RHBDF2: variants seen among roughly 807,000 people sequenced by gnomAD.
The protein encoded by RHBDF2 is rhomboid 5 homolog 2, also known as inactive rhomboid protein 2.
A neutral mutation model predicts 95.2 loss-of-function variants in RHBDF2; 38 were observed. That is an observed-to-expected ratio of 0.40 (90% CI 0.31 to 0.52). RHBDF2 has a LOEUF of 0.52. RHBDF2 is among the 20% of genes least tolerant of loss of function. The pLI is 0.56. For missense variants in RHBDF2, 863 were observed against 1,137.7 expected, an observed-to-expected ratio of 0.76 and a Z score of 3.47; for synonymous variants, 442 against 462.0, an observed-to-expected ratio of 0.96 and a Z score of 0.55.
At chr17:76,497,869 G>T (rs1480948867) in intron 1 of RHBDF2, among the ~76,000 whole-genome samples, 3 of 152,052 alleles carry the variant, frequency 2.0e-5, no homozygotes, top group Non-Finnish European at 2.9e-5. Context: ...CTTTTCTGCT[G>T]GTCACAAGGT....
intron 3 of RHBDF2, 75 bp downstream of exon 3, chr17:76,481,300 A>G (rs2073955579): frequency 1.3e-6 from 2 of 1,511,148 alleles, no homozygotes; most frequent in African/African-American, 1.4e-5. Context: ...GGGAAGTGAA[A>G]CTGACCAGAA....
rs1256295869 is a variant in RHBDF2 at position 76,471,034 on chromosome 17, G to C, written c.*599C>G. On this transcript the variant is annotated 3_prime_UTR_variant, in exon 19 of 19. Coordinates refer to ENST00000675367, the MANE Select transcript of RHBDF2 (RefSeq NM_001005498.4). ...AGCACTCCCTGGGAGCAGGCCCTGGGGTGGCTCCGCCCAGTGTCGTTCTAC... is the reference window on the plus strand; with the variant it reads ...AGCACTCCCTGGGAGCAGGCCCTGGCGTGGCTCCGCCCAGTGTCGTTCTAC... 1 of 153,360 alleles carries C rather than the reference G, an allele frequency of 6.5e-6. No homozygotes were observed. The highest frequency in any genetic ancestry group is 2.4e-5 in the African/African-American group (1 of 41,456). 9.5% of individuals were successfully genotyped at this position (153,360 alleles called of 1,614,324 possible). A position where few individuals can be genotyped will look rare whatever the true frequency, so the allele number is the denominator to read the frequency against.
intron 2 of RHBDF2, chr17:76,481,992 C>CACAT (rs1567881933): frequency 2.0e-5 from 2 of 100,688 alleles, no homozygotes; most frequent in East Asian, 5.9e-4. Flanking sequence ...CACACACACA[C>CACAT]ACACACACAC....
chr17:76,483,504 C>T (rs374934632), intron 2 of RHBDF2, among the ~76,000 whole-genome samples: 50 of 152,076 alleles, frequency 3.3e-4, no homozygotes, highest in African/African-American at 1.0e-3. Context: ...AGGCTGGTCT[C>T]GAACTCCTGA....
intron 1 of RHBDF2, among the ~76,000 whole-genome samples, chr17:76,499,635 T>A (rs2074526318): frequency 6.6e-6 from 1 of 152,106 alleles, no homozygotes; most frequent in African/African-American, 2.4e-5. Flanking sequence ...TTAGGAGCCC[T>A]GATACTCCTT....
rs550855559 is a variant in RHBDF2 at position 76,471,914 on chromosome 17, G to C, written c.2203C>G (p.Leu735Val). 3 of 1,576,430 alleles carry C rather than the reference G, an allele frequency of 1.9e-6. No individual in the cohort carries two copies. In the South Asian group the frequency reaches 3.5e-5, roughly 18 times the overall value. The change falls in exon 19 of 19, where the codon CTC becomes GTC. Residue 735 changes from leucine to valine, a missense_variant. Leu to Val is a conservative substitution (Grantham distance 32, BLOSUM62 1). Around this residue, in one of 2 missense-constraint regions of RHBDF2, gnomAD observed 252 missense variants for 412.2 expected, o/e 0.61. Transcript: ENST00000675367. ...GCGATGTTGTCGATCCAGGGCAGGAGGCCACAGATGAACAGGAAGAGCACG... is the reference window on the plus strand; with the variant it reads ...GCGATGTTGTCGATCCAGGGCAGGACGCCACAGATGAACAGGAAGAGCACG... ...AIVLFLFICG[L>V]LPWIDNIAHI...
chr17:76,478,668 C>G, intron 6 of RHBDF2, 138 bp downstream of exon 6: 2 of 731,144 alleles, frequency 2.7e-6, no homozygotes, highest in South Asian at 3.9e-5. Context: ...CCCAGGGATC[C>G]CAGCACATCC....
intron 1 of RHBDF2, among the ~76,000 whole-genome samples, chr17:76,496,166 G>A (rs937125559): frequency 6.6e-6 from 1 of 152,210 alleles, no homozygotes; most frequent in Admixed American, 6.5e-5. Context: ...GGGAGCCAGG[G>A]AAGATGACAG....
Position 76,477,758 on chromosome 17 carries a change from G to C in RHBDF2, c.700C>G (p.Gln234Glu). Residue 234 changes from glutamine to glutamate, a missense_variant, in exon 7 of 19, where the codon CAG becomes GAG. Transcript: ENST00000675367. Reference protein sequence around the residue: ...KGRSVLDATGQRCRVVKRSFA... With the variant: ...KGRSVLDATGERCRVVKRSFA... ...CTGCGCTTGACCACCCGGCACCGCT[G>C]TCCGGTGGCATCCAGCACCGAGCGC... 6.2e-7 allele frequency: 1 copy of C among 1,613,014 alleles called. No homozygotes were observed. Among genetic ancestry groups the C allele is most frequent in the Non-Finnish European group, 8.5e-7 (1 of 1,179,992 alleles).
rs1193714832 is a variant in RHBDF2, at chr17:76,476,819, C to T, written c.1115+11G>A. 6.9e-6 allele frequency: 11 copies of T among 1,584,568 alleles called. No individual in the cohort carries two copies. In the Admixed American group the frequency reaches 9.1e-5, roughly 13 times the overall value. On this transcript the variant is annotated intron_variant, in intron 9 of 18. Coordinates refer to ENST00000675367, the MANE Select transcript of RHBDF2 (RefSeq NM_001005498.4). ...CCAGGCTCTCCTGGGGGCTCCAGGGCGACACCTCACCGGTGGCTGTCGAAG... is the reference window on the plus strand; with the variant it reads ...CCAGGCTCTCCTGGGGGCTCCAGGGTGACACCTCACCGGTGGCTGTCGAAG...
chr17:76,501,052 G>A (rs979015107), intron 1 of RHBDF2: 4 of 152,362 alleles, frequency 2.6e-5, no homozygotes, highest in Non-Finnish European at 4.4e-5. Context: ...CTGCCCAATC[G>A]TCTTGCCCCT....
chr17:76,479,577 T>C (rs1171615037), intron 4 of RHBDF2, 156 bp downstream of exon 4: 2 of 726,116 alleles, frequency 2.8e-6, no homozygotes, highest in African/African-American at 1.7e-5. Flanking sequence ...TCCCCATCTA[T>C]ACCATGATAA....
chr17:76,489,677 G>C (rs1354003033), intron 1 of RHBDF2, among the ~76,000 whole-genome samples: 1 of 144,928 alleles, frequency 6.9e-6, no homozygotes, highest in Non-Finnish European at 1.5e-5. Context: ...GGAACCCCAA[G>C]ATGCCGGAAG....
rs139638275 is a variant in RHBDF2, at chr17:76,476,768, G to A, written c.1115+62C>T. 44 of 1,503,248 alleles carry A rather than the reference G, an allele frequency of 2.9e-5. No individual in the cohort carries two copies. In the African/African-American group the frequency reaches 5.4e-4, roughly 18 times the overall value. The allele number at this position is 1,503,248 out of a possible 1,614,324, so 93.1% of individuals were successfully genotyped here. On this transcript the variant is annotated intron_variant, in intron 9 of 18. Transcript: ENST00000675367. The stretch of plus-strand genomic sequence containing the variant: ...CTGAATGAGTAAGGGGGCGCTTCAG[G>A]AGGGCCCAGAGGAATTTGGAACCTT...
In RHBDF2 at chr17:76,471,522, C is replaced by T; in HGVS notation, c.*111G>A. On this transcript the variant is annotated 3_prime_UTR_variant, in exon 19 of 19. Transcript: ENST00000675367. ...GGGCACCCAGGTCCAGAGCCCGGGC[C>T]CTGTCTTGGGTCTCTGGCTCTCTGG... is the stretch of plus-strand genomic sequence containing the variant. The T allele has an allele frequency of 2.4e-6, 3 of 1,248,358 alleles. No homozygotes were observed. The highest frequency in any genetic ancestry group is 3.3e-6 in the Non-Finnish European group (3 of 917,888). 77.3% of individuals were successfully genotyped at this position (1,248,358 alleles called of 1,614,324 possible). A position where few individuals can be genotyped will look rare whatever the true frequency, so the allele number is the denominator to read the frequency against.
chr17:76,489,695 G>A (rs928936691), intron 1 of RHBDF2, among the ~76,000 whole-genome samples: 19 of 35,894 alleles, frequency 5.3e-4, no homozygotes, highest in African/African-American at 7.3e-4. Flanking sequence ...AAGCCCTCCC[G>A]GGGCCGGGCA....
intron 1 of RHBDF2, among the ~76,000 whole-genome samples, chr17:76,492,005 G>A (rs1285701110): frequency 2.0e-5 from 3 of 152,182 alleles, no homozygotes; most frequent in Non-Finnish European, 4.4e-5. Context: ...CTCTCTCTAA[G>A]ACCCCCAGGC....
rs762646045 is a variant in RHBDF2 at position 76,473,921 on chromosome 17, T to C, written c.1575-19A>G. ...GCAGGTCCTGGAGACAGGGTTCAGA[T>C]TGGGCTGTGGCACACCCAGCGTGCC... On this transcript the variant is annotated intron_variant, in intron 13 of 18. Transcript: ENST00000675367. 3.7e-6 allele frequency: 6 copies of C among 1,613,614 alleles called. No individual in the cohort carries two copies. The highest frequency in any genetic ancestry group is 4.5e-5 in the East Asian group (2 of 44,888).
intron 1 of RHBDF2, among the ~76,000 whole-genome samples, chr17:76,497,187 G>A (rs866517739): frequency 6.6e-6 from 1 of 152,026 alleles, no homozygotes; most frequent in Non-Finnish European, 1.5e-5. Flanking sequence ...CAGGGTTGGC[G>A]GCCACACGGG....
Sources: allele counts gnomAD v4.1 joint callset (sites outside exome capture counted in the v4.1 genomes callset), GRCh38; gene constraint gnomAD v4.1.1; regional missense constraint gnomAD v4.1.1; transcripts MANE v1.5; gene names NCBI Gene and HGNC (gene_info 2026-07-23, HGNC 2026-07-21).